Variants in KHDRBS2 observed in about 807,000 individuals in gnomAD.
The protein encoded by KHDRBS2 is KH RNA binding domain containing, signal transduction associated 2, also known as KH domain-containing, RNA-binding, signal transduction-associated protein 2.
A neutral mutation model predicts 44.3 loss-of-function variants in KHDRBS2; 26 were observed. The ratio of observed to expected loss-of-function variants is 0.59; its 90% confidence interval spans 0.43 to 0.81. The LOEUF (loss-of-function observed/expected upper bound fraction) is 0.81. Among genes scored for constraint, KHDRBS2 ranks in the 40% least tolerant of loss-of-function variants. The probability of loss-of-function intolerance (pLI) is 0.00; values close to 1 mark genes in which losing one functional copy is unlikely to be tolerated. For missense variants in KHDRBS2, 476 were observed against 433.1 expected, an observed-to-expected ratio of 1.10 and a Z score of -0.88; for synonymous variants, 194 against 151.1, an observed-to-expected ratio of 1.28 and a Z score of -2.08.
chr6:61,785,543 A>G (rs1415411138), intron 6 of KHDRBS2, among the ~76,000 whole-genome samples: 5 of 152,100 alleles, frequency 3.3e-5, no homozygotes, highest in Non-Finnish European at 5.9e-5. Context: ...GTGTTTGTGT[A>G]TATGCATATG....
chr6:62,273,420 G>A (rs897538056), intron 1 of KHDRBS2, among the ~76,000 whole-genome samples: 21 of 151,942 alleles, frequency 1.4e-4, no homozygotes, highest in African/African-American at 4.1e-4. Context: ...TGTCTTACTT[G>A]ATCTACTGCA....
chr6:61,963,786 G>A (rs1225360614), intron 4 of KHDRBS2, among the ~76,000 whole-genome samples: 1 of 151,972 alleles, frequency 6.6e-6, no homozygotes, highest in African/African-American at 2.4e-5. Flanking sequence ...AATCATGTAC[G>A]TGGGCCTGAT....
At chr6:61,894,938 C>A in intron 5 of KHDRBS2, 105 bp from the exon 6 acceptor site, 2 of 707,406 alleles carry the variant, frequency 2.8e-6, no homozygotes, top group Non-Finnish European at 2.4e-6. Context: ...GAAATAAATA[C>A]AAATTTCTCT....
rs377682302 is a variant in KHDRBS2, at chr6:62,068,697, T to A, written c.220-20703A>T. 3.3e-5 allele frequency among the ~76,000 whole-genome samples: 5 copies of A among 151,612 alleles called. No homozygotes were observed. The East Asian group carries it at 9.8e-4, about 30-fold the overall frequency. On this transcript the variant is annotated intron_variant, in intron 2 of 8. Coordinates refer to ENST00000281156, the MANE Select transcript of KHDRBS2 (RefSeq NM_152688.4). ...GCATGGTGTGAGGTAGTGCTCCAAC[T>A]TCATTGCTTTACATGTGACTAACCA...
intron 1 of KHDRBS2, among the ~76,000 whole-genome samples, chr6:62,239,349 G>T (rs914463614): frequency 2.0e-5 from 3 of 152,128 alleles, no homozygotes; most frequent in African/African-American, 7.2e-5. Context: ...GAGGAGGGTG[G>T]ATCATTTGAG....
intron 3 of KHDRBS2, among the ~76,000 whole-genome samples, chr6:62,020,305 C>G (rs1278368808): frequency 2.0e-5 from 3 of 151,996 alleles, no homozygotes; most frequent in Non-Finnish European, 2.9e-5. Context: ...TGTGGTCAGA[C>G]AATATCCTTT....
chr6:61,585,215 A>AAAAT, the KHDRBS2 span, among the ~76,000 whole-genome samples: 1 of 151,986 alleles, frequency 6.6e-6, no homozygotes, highest in East Asian at 1.9e-4. Flanking sequence ...GTGATAAAAA[A>AAAAT]AAATGTTCAG....
chr6:61,912,709 TA>T (rs2127352456), intron 4 of KHDRBS2, among the ~76,000 whole-genome samples: 1 of 152,258 alleles, frequency 6.6e-6, no homozygotes, highest in Non-Finnish European at 1.5e-5. Context: ...GCAAGAGCAC[TA>T]CAGTCAGCTG....
At chr6:61,955,133 T>C (rs1317258512) in intron 4 of KHDRBS2, among the ~76,000 whole-genome samples, 19 of 144,958 alleles carry the variant, frequency 1.3e-4, no homozygotes, top group Non-Finnish European at 2.6e-4. Context: ...TGTATACATA[T>C]GTATATACAC....
At chr6:62,241,491 A>G (rs1421847303) in intron 1 of KHDRBS2, among the ~76,000 whole-genome samples, 1 of 151,842 alleles carries the variant, frequency 6.6e-6, no homozygotes, top group Non-Finnish European at 1.5e-5. Flanking sequence ...GAAAAAATAC[A>G]TTTACAAGTG....
At chr6:61,861,204 G>T (rs1017600015) in intron 6 of KHDRBS2, among the ~76,000 whole-genome samples, 3 of 152,054 alleles carry the variant, frequency 2.0e-5, no homozygotes, top group African/African-American at 7.2e-5. Flanking sequence ...CTGTGCAGAA[G>T]CTCTTTAGTT....
chr6:61,802,726 A>T (rs1282507893), intron 6 of KHDRBS2, among the ~76,000 whole-genome samples: 1 of 152,144 alleles, frequency 6.6e-6, no homozygotes, highest in South Asian at 2.1e-4. Flanking sequence ...TATTTTTCTT[A>T]TAATTTTACA....
chr6:61,891,301 T>G (rs139758444), intron 6 of KHDRBS2, among the ~76,000 whole-genome samples: 2 of 152,340 alleles, frequency 1.3e-5, no homozygotes, highest in African/African-American at 4.8e-5. Flanking sequence ...CCATGGTGGA[T>G]AAGCTTTTTG....
intron 6 of KHDRBS2, among the ~76,000 whole-genome samples, chr6:61,778,229 C>T (rs114953587): frequency 1.9e-3 from 287 of 152,230 alleles, no homozygotes; most frequent in Non-Finnish European, 3.4e-3. Context: ...CATGAGGATT[C>T]GTTTAACTCC....
At chr6:62,217,027 T>C (rs1007717483) in intron 1 of KHDRBS2, among the ~76,000 whole-genome samples, 1 of 122,908 alleles carries the variant, frequency 8.1e-6, no homozygotes, top group Non-Finnish European at 1.8e-5. Context: ...ATGATCTGAT[T>C]AAAAAAAAAA....
chr6:61,662,262 G>T, the KHDRBS2 span, among the ~76,000 whole-genome samples: 461 of 152,200 alleles, frequency 3.0e-3, 4 homozygotes, highest in African/African-American at 0.011. Flanking sequence ...ATGGATTAAA[G>T]ACTTACATGT....
chr6:61,606,562 C>T, the KHDRBS2 span, among the ~76,000 whole-genome samples: 1 of 152,052 alleles, frequency 6.6e-6, no homozygotes, highest in Non-Finnish European at 1.5e-5. Flanking sequence ...ATAATAGATC[C>T]TTTTATATCA....
At chr6:61,900,127 T>C (rs1272481323) in intron 5 of KHDRBS2, among the ~76,000 whole-genome samples, 1 of 152,010 alleles carries the variant, frequency 6.6e-6, no homozygotes, top group Non-Finnish European at 1.5e-5. Context: ...TGAAATAGAA[T>C]TTCCAGAATT....
At chr6:61,808,041 TAAG>T (rs1187903865) in intron 6 of KHDRBS2, among the ~76,000 whole-genome samples, 1 of 152,130 alleles carries the variant, frequency 6.6e-6, no homozygotes, top group Admixed American at 6.6e-5. Flanking sequence ...GTTCACCCAG[TAAG>T]CTCCATCTTA....
Sources: gnomAD v4.1 joint callset for allele counts (sites outside exome capture counted in the v4.1 genomes callset) on GRCh38, gnomAD v4.1.1 for gene constraint, MANE v1.5 for transcripts, NCBI Gene and HGNC (gene_info 2026-07-23, HGNC 2026-07-21) for gene names.